Variants in IPCEF1 observed in about 807,000 individuals in gnomAD.
IPCEF1 encodes interaction protein for cytohesin exchange factors 1.
Under a neutral mutation model 50.9 loss-of-function variants are expected in IPCEF1, and 31 were observed. The ratio of observed to expected loss-of-function variants is 0.61; its 90% CI spans 0.46 to 0.82. IPCEF1 has a LOEUF of 0.82. IPCEF1 is among the 40% of genes least tolerant of loss of function. The pLI is 0.00. For missense variants in IPCEF1, 458 were observed against 514.0 expected (o/e 0.89, Z 1.05); for synonymous variants, 181 against 192.0 (o/e 0.94, Z 0.47).
intron 5 of IPCEF1, among the ~76,000 whole-genome samples, chr6:154,245,267 T>TA (rs1780933839): frequency 6.7e-6 from 1 of 150,366 alleles, no homozygotes; most frequent in African/African-American, 2.5e-5. Flanking sequence ...ATAAAGTTGT[T>TA]ATAACTCACC....
intron 9 of IPCEF1, among the ~76,000 whole-genome samples, chr6:154,208,547 T>G (rs1777695477): frequency 6.6e-6 from 1 of 152,258 alleles, no homozygotes; most frequent in Non-Finnish European, 1.5e-5. Flanking sequence ...GGCTCCATGA[T>G]GAACATGAAT....
At chr6:154,193,327 A>T (rs1802099355) in intron 10 of IPCEF1, among the ~76,000 whole-genome samples, 1 of 152,182 alleles carries the variant, frequency 6.6e-6, no homozygotes, top group Non-Finnish European at 1.5e-5. Flanking sequence ...TGAGGATGCA[A>T]AGGCACGATA....
At chr6:154,165,370 T>C (rs1799343245) in intron 11 of IPCEF1, among the ~76,000 whole-genome samples, 1 of 152,204 alleles carries the variant, frequency 6.6e-6, no homozygotes, top group African/African-American at 2.4e-5. Flanking sequence ...GAAATAATTA[T>C]TATACCCTTC....
At chr6:154,235,802 G>C (rs978947006) in intron 5 of IPCEF1, among the ~76,000 whole-genome samples, 5 of 152,158 alleles carry the variant, frequency 3.3e-5, no homozygotes, top group African/African-American at 1.2e-4. Context: ...GTTGCTCAAG[G>C]TCACTAGTCA....
chr6:154,333,624 G>GTA (rs1562293363), intron 1 of IPCEF1, among the ~76,000 whole-genome samples: 2 of 142,584 alleles, frequency 1.4e-5, no homozygotes, highest in Non-Finnish European at 3.2e-5. Flanking sequence ...ACATATATAC[G>GTA]TACATATGTA....
chr6:154,248,169 A>G (rs1375559517), intron 3 of IPCEF1, among the ~76,000 whole-genome samples: 1 of 152,198 alleles, frequency 6.6e-6, no homozygotes, highest in Non-Finnish European at 1.5e-5. Flanking sequence ...GTTACCACCT[A>G]CTATTCTGTA....
chr6:154,219,261 A>G (rs1177646185), intron 7 of IPCEF1: 1 of 152,218 alleles, frequency 6.6e-6, no homozygotes, highest in Non-Finnish European at 1.5e-5. Flanking sequence ...ACTAGGTAAC[A>G]AACAAAGCAC....
At chr6:154,251,449 G>T (rs371481817) in intron 3 of IPCEF1, among the ~76,000 whole-genome samples, 1 of 152,116 alleles carries the variant, frequency 6.6e-6, no homozygotes, top group Non-Finnish European at 1.5e-5. Flanking sequence ...TATCATGCTC[G>T]CATGTGCCAG....
chr6:154,309,632 T>G lies in IPCEF1; in HGVS notation c.-61-19876A>C, dbSNP rs73789439. 3.6e-3 allele frequency among the ~76,000 whole-genome samples: 553 copies of G among 152,342 alleles called. 1 individual carries two copies. The highest frequency in any genetic ancestry group is 0.013 in the African/African-American group (528 of 41,572). On this transcript the variant is annotated intron_variant, in intron 1 of 11. Transcript: ENST00000367220. ...ACTGTCTCTTCTCTGTCCTGTATTT[T>G]TTTTCATCTGCCCTGTATCTTTAGA...
chr6:154,270,054 G>C (rs1049922905), intron 2 of IPCEF1, among the ~76,000 whole-genome samples: 2 of 152,082 alleles, frequency 1.3e-5, no homozygotes, highest in African/African-American at 4.8e-5. Context: ...GAGAATATCA[G>C]TTTAAGCAAA....
intron 2 of IPCEF1, among the ~76,000 whole-genome samples, chr6:154,279,085 A>G (rs1382757848): frequency 1.3e-5 from 2 of 151,688 alleles, no homozygotes. Context: ...AGATCGTGCC[A>G]CCGCAAAAAA....
rs1798778876 is a variant in IPCEF1, at chr6:154,157,879, G to A, written c.*1949C>T. 6.6e-6 allele frequency: 1 copy of A among 152,196 alleles called. No homozygotes were observed. Among genetic ancestry groups the A allele is most frequent in the Admixed American group, 6.5e-5 (1 of 15,274 alleles). 9.4% of individuals were successfully genotyped at this position (152,196 alleles called of 1,614,324 possible). ...GTTAAAGCACTGCTTTCCTAAACCAGGGCATCAGGGTGCAATCTGAGGATC... is the reference window on the plus strand; with the variant it reads ...GTTAAAGCACTGCTTTCCTAAACCAAGGCATCAGGGTGCAATCTGAGGATC... On this transcript the variant is annotated 3_prime_UTR_variant, in exon 12 of 12. Transcript: ENST00000367220.
rs190049836 is a variant in IPCEF1 at position 154,221,121 on chromosome 6, C to T, written c.392+136G>A. On this transcript the variant is annotated intron_variant, in intron 7 of 11. Transcript: ENST00000367220. ...AGAAGAAAGCACGAAGGCATTGTAA[C>T]TGCTAAATAAATTAATCCTTAAAGT... The T allele has an allele frequency of 7.4e-5, 49 of 660,382 alleles. No individual in the cohort carries two copies. In the Admixed American group the frequency reaches 1.5e-3, roughly 21 times the overall value. The allele number at this position is 660,382 out of a possible 1,614,324, so 40.9% of individuals were successfully genotyped here. A position where few individuals can be genotyped will look rare whatever the true frequency, so the allele number is the denominator to read the frequency against.
intron 10 of IPCEF1, among the ~76,000 whole-genome samples, chr6:154,184,490 A>AT (rs1307511114): frequency 6.6e-6 from 1 of 151,708 alleles, no homozygotes; most frequent in Non-Finnish European, 1.5e-5. Flanking sequence ...TTCTATTTAC[A>AT]TTTTTTTTAA....
At chr6:154,226,293 T>C (rs1450815121) in intron 5 of IPCEF1, among the ~76,000 whole-genome samples, 1 of 152,194 alleles carries the variant, frequency 6.6e-6, no homozygotes, top group Non-Finnish European at 1.5e-5. Context: ...ATCCTGGAGC[T>C]CCTGTCCCAG....
At chr6:154,163,112 A>T (rs570690671) in intron 11 of IPCEF1, among the ~76,000 whole-genome samples, 2 of 152,240 alleles carry the variant, frequency 1.3e-5, no homozygotes, top group African/African-American at 4.8e-5. Flanking sequence ...TTCTGTTCAG[A>T]ACCTTCCAGA....
intron 1 of IPCEF1, among the ~76,000 whole-genome samples, chr6:154,354,397 A>ACCACCT (rs1562300246): frequency 7.9e-5 from 5 of 63,066 alleles, no homozygotes; most frequent in East Asian, 3.2e-4. Context: ...GTCACCTCCA[A>ACCACCT]CCACCATCTC....
intron 11 of IPCEF1, among the ~76,000 whole-genome samples, chr6:154,161,657 G>A (rs780211743): frequency 2.0e-5 from 3 of 152,196 alleles, no homozygotes; most frequent in Non-Finnish European, 2.9e-5. Context: ...AGAACTTACC[G>A]AGGTACATTT....
At chr6:154,229,067 G>T (rs1183145428) in intron 5 of IPCEF1, among the ~76,000 whole-genome samples, 1 of 151,978 alleles carries the variant, frequency 6.6e-6, no homozygotes, top group Non-Finnish European at 1.5e-5. Flanking sequence ...TCTGGACTAG[G>T]TGCCCCCATG....
Sources: allele counts gnomAD v4.1 joint callset (sites outside exome capture counted in the v4.1 genomes callset), GRCh38; gene constraint gnomAD v4.1.1; transcripts MANE v1.5; gene names NCBI Gene and HGNC (gene_info 2026-07-23, HGNC 2026-07-21).